The following TULP3 variants were observed in gnomAD, a reference collection of about 807,000 sequenced individuals.
TULP3 encodes the protein TUB like protein 3.
TULP3 carries 38 observed loss-of-function variants against 50.7 expected under a neutral mutation model. The observed-to-expected ratio is 0.75, with a 90% CI of 0.58 to 0.98. The LOEUF (loss-of-function observed/expected upper bound fraction) is 0.98, where lower values mean the gene tolerates loss of function less well. TULP3 is among the 50% of genes least tolerant of loss of function. TULP3 has a pLI of 0.00. For synonymous variants in TULP3, 183 were observed against 196.6 expected (o/e 0.93, Z 0.58); for missense variants, 550 against 568.0 (o/e 0.97, Z 0.32).
chr12:2,914,982 ATTTTC>A (rs1047679275), intron 2 of TULP3, among the ~76,000 whole-genome samples: 3 of 147,374 alleles, frequency 2.0e-5, no homozygotes, highest in Admixed American at 6.9e-5. Flanking sequence ...TGCAGAATGG[ATTTTC>A]TTTTCTTTTC....
At chr12:2,913,201 T>TG (rs1565501058) in intron 2 of TULP3, among the ~76,000 whole-genome samples, 1,659 of 146,560 alleles carry the variant, frequency 0.011, 29 homozygotes, top group African/African-American at 0.04. Flanking sequence ...TATGTTGAGT[T>TG]TGTGTGTGTG....
At chr12:2,937,797 T>TAAA in intron 9 of TULP3, 68 bp downstream of exon 9, 1 of 928,162 alleles carries the variant, frequency 1.1e-6, no homozygotes, top group Non-Finnish European at 1.5e-6. Flanking sequence ...CAGAGATTAA[T>TAAA]ACAAAAAAAA....
intron 1 of TULP3, among the ~76,000 whole-genome samples, chr12:2,892,214 G>A (rs1437194984): frequency 1.3e-5 from 2 of 151,554 alleles, no homozygotes; most frequent in South Asian, 2.1e-4. Context: ...TTCCTTTTTC[G>A]TCAAGTTCTA....
intron 8 of TULP3, among the ~76,000 whole-genome samples, chr12:2,936,161 T>C (rs1379545715): frequency 6.6e-6 from 1 of 151,746 alleles, no homozygotes; most frequent in African/African-American, 2.4e-5. Flanking sequence ...TCCCAGCTAC[T>C]CGGGAGGCTG....
chr12:2,916,154 C>T (rs2098188579), intron 2 of TULP3, among the ~76,000 whole-genome samples: 1 of 152,134 alleles, frequency 6.6e-6, no homozygotes, highest in Non-Finnish European at 1.5e-5. Context: ...GATTTACAGG[C>T]TTGTGCCACC....
At chr12:2,896,138 C>A (rs562364249) in intron 1 of TULP3, among the ~76,000 whole-genome samples, 2 of 152,188 alleles carry the variant, frequency 1.3e-5, no homozygotes, top group South Asian at 4.1e-4. Context: ...CGGGGTTTTA[C>A]CATGTTGGTC....
At chr12:2,901,261 G>A (rs1182931267) in intron 1 of TULP3, among the ~76,000 whole-genome samples, 2 of 145,648 alleles carry the variant, frequency 1.4e-5, no homozygotes, top group Admixed American at 6.9e-5. Context: ...CCACCGGAGC[G>A]CTCCACCACA....
chr12:2,897,947 G>A (rs745828734), intron 1 of TULP3, among the ~76,000 whole-genome samples: 2 of 151,154 alleles, frequency 1.3e-5, no homozygotes, highest in Non-Finnish European at 2.9e-5. Context: ...GTGTGGTGGC[G>A]CATGCCTGTG....
chr12:2,924,599 C>G (rs1181952105), intron 4 of TULP3, among the ~76,000 whole-genome samples: 1 of 151,552 alleles, frequency 6.6e-6, no homozygotes. Context: ...GAGGATTGCT[C>G]GAGCCCAGGT....
At chr12:2,911,514 G>C (rs2098185520) in intron 2 of TULP3, among the ~76,000 whole-genome samples, 2 of 111,356 alleles carry the variant, frequency 1.8e-5, no homozygotes, top group African/African-American at 3.9e-5. Context: ...CACCACGCCA[G>C]GCTAATTTAT....
chr12:2,905,696 C>T (rs1419188854), intron 1 of TULP3, among the ~76,000 whole-genome samples: 1 of 122,320 alleles, frequency 8.2e-6, no homozygotes, highest in Admixed American at 8.1e-5. Context: ...TTCAGCTTGC[C>T]CAGGCTTGAT....
rs200759317 is a variant in TULP3, at chr12:2,922,799, A to G, written c.394+397A>G. Reference sequence around the variant, plus strand: ...CTAGTTGGAGCTCTCATTTCCATAAATATTCCCATACATTTCAAAGGTCCC... The same window carrying G: ...CTAGTTGGAGCTCTCATTTCCATAAGTATTCCCATACATTTCAAAGGTCCC... On this transcript the variant is annotated intron_variant, in intron 4 of 10. Transcript: ENST00000448120. 2.6e-5 allele frequency among the ~76,000 whole-genome samples: 4 copies of G among 151,712 alleles called. No homozygotes were observed. In the East Asian group the frequency reaches 7.8e-4, roughly 29 times the overall value.
Position 2,909,509 on chromosome 12 carries a change from A to ATT in TULP3, c.42-7_42-6dup. ...CGTTTTCTTTTTATATACTTGCTTTATTTTTTTTTTTTTTAACAGTGTCTT... is the reference window on the plus strand; with the variant it reads ...CGTTTTCTTTTTATATACTTGCTTTATTTTTTTTTTTTTTTTAACAGTGTCTT... On this transcript the variant is annotated intron_variant, in intron 1 of 10. Transcript: ENST00000448120. 3.0e-5 allele frequency: 42 copies of ATT among 1,408,404 alleles called. No homozygotes were observed. The highest frequency in any genetic ancestry group is 3.9e-5 in the South Asian group (3 of 77,304). The allele number at this position is 1,408,404 out of a possible 1,614,324, so 87.2% of individuals were successfully genotyped here.
intron 1 of TULP3, among the ~76,000 whole-genome samples, chr12:2,905,447 G>C (rs1465399905): frequency 2.0e-5 from 3 of 152,102 alleles, no homozygotes; most frequent in Non-Finnish European, 1.5e-5. Flanking sequence ...GCCTCCCAAA[G>C]TGTTGGGATT....
At chr12:2,913,285 T>A (rs569639752) in intron 2 of TULP3, among the ~76,000 whole-genome samples, 1 of 150,850 alleles carries the variant, frequency 6.6e-6, no homozygotes, top group East Asian at 2.0e-4. Context: ...TCTCACTCTG[T>A]CACCCAGGCT....
rs1243849784 is a variant in TULP3, at chr12:2,938,175, A to G, written c.1085A>G (p.His362Arg). Residue 362 changes from histidine to arginine, a missense_variant, in exon 10 of 11, where the codon CAC becomes CGC. His to Arg is a conservative substitution (Grantham distance 29). Transcript: ENST00000448120. ...NRTMENLVEL[H>R]NKAPVWNSDT... ...ACTATGGAAAATCTGGTTGAGCTGC[A>G]CAACAAGGCCCCCGTCTGGAACAGT... is the stretch of plus-strand genomic sequence containing the variant. The G allele has an allele frequency of 6.2e-7, 1 of 1,614,208 alleles. No homozygotes were observed. The highest frequency in any genetic ancestry group is 1.1e-5 in the South Asian group (1 of 91,088).
At chr12:2,917,413 A>G (rs538617755) in intron 2 of TULP3, among the ~76,000 whole-genome samples, 10 of 151,916 alleles carry the variant, frequency 6.6e-5, no homozygotes, top group African/African-American at 1.9e-4. Flanking sequence ...CAGAGGTTGC[A>G]GTGAGCCGAG....
At chr12:2,913,171 G>A (rs1159060195) in intron 2 of TULP3, among the ~76,000 whole-genome samples, 1 of 150,582 alleles carries the variant, frequency 6.6e-6, no homozygotes, top group African/African-American at 2.5e-5. Flanking sequence ...GTTTTGATTT[G>A]CATTACCCTA....
intron 1 of TULP3, among the ~76,000 whole-genome samples, chr12:2,902,311 A>G (rs1180152448): frequency 6.6e-6 from 1 of 152,204 alleles, no homozygotes; most frequent in Admixed American, 6.5e-5. Context: ...TAGTCAGTAA[A>G]GGAAGCCTTC....
Sources: gnomAD v4.1 joint callset for allele counts (sites outside exome capture counted in the v4.1 genomes callset) on GRCh38, gnomAD v4.1.1 for gene constraint, MANE v1.5 for transcripts, NCBI Gene and HGNC (gene_info 2026-07-23, HGNC 2026-07-21) for gene names.